Variants in BTBD9 observed in about 807,000 individuals in gnomAD.
The protein encoded by BTBD9 is BTB domain containing 9, also known as BTB/POZ domain-containing protein 9.
In BTBD9, 49 loss-of-function variants were observed where a neutral mutation model predicts 64.3. The observed-to-expected ratio is 0.76, with a 90% CI of 0.61 to 0.97. The LOEUF is 0.97. Ranked by LOEUF, BTBD9 falls within the 50% of genes least tolerant of loss-of-function variation. BTBD9 has a pLI of 0.00. For missense variants in BTBD9, 598 were observed against 762.1 expected (o/e 0.78, Z 2.53); for synonymous variants, 260 against 274.7 (o/e 0.95, Z 0.53).
chr6:38,321,275 G>T (rs1038418935), intron 7 of BTBD9, among the ~76,000 whole-genome samples: 2 of 152,208 alleles, frequency 1.3e-5, no homozygotes, highest in African/African-American at 4.8e-5. Flanking sequence ...TTGCCATGTG[G>T]CTGCTCCATT....
Position 38,171,356 on chromosome 6 carries a change from AAAT to A in BTBD9, c.*3626_*3628del, listed in dbSNP as rs1303299546. 6.6e-6 allele frequency: 1 copy of A among 152,154 alleles called. No individual in the cohort carries two copies. Among genetic ancestry groups the A allele is most frequent in the African/African-American group, 2.4e-5 (1 of 41,430 alleles). 9.4% of individuals were successfully genotyped at this position (152,154 alleles called of 1,614,324 possible). ...TTAACAAACATCCTACTCTTGCTGA[AAAT>A]AATTTCTTTTCCCAACTCTTCTAGG... On this transcript the variant is annotated 3_prime_UTR_variant, in exon 11 of 11. Coordinates refer to ENST00000481247, the MANE Select transcript of BTBD9 (RefSeq NM_001099272.2).
At chr6:38,335,172 G>A (rs1763844639) in intron 7 of BTBD9, among the ~76,000 whole-genome samples, 1 of 152,072 alleles carries the variant, frequency 6.6e-6, no homozygotes, top group Non-Finnish European at 1.5e-5. Context: ...CCCCAGCCAT[G>A]CACAACTGTG....
intron 3 of BTBD9, among the ~76,000 whole-genome samples, chr6:38,593,311 T>C (rs1693586793): frequency 6.6e-6 from 1 of 152,200 alleles, no homozygotes; most frequent in African/African-American, 2.4e-5. Context: ...CAAAGATCAT[T>C]GTCTTTAAAA....
chr6:38,275,417 C>A (rs987940780), intron 8 of BTBD9, among the ~76,000 whole-genome samples: 2 of 152,234 alleles, frequency 1.3e-5, no homozygotes, highest in African/African-American at 4.8e-5. Flanking sequence ...CTAGGCAATA[C>A]CATTCAGGAC....
chr6:38,629,962 C>T (rs1292793577), intron 1 of BTBD9, among the ~76,000 whole-genome samples: 1 of 152,014 alleles, frequency 6.6e-6, no homozygotes, highest in Non-Finnish European at 1.5e-5. Context: ...AATACCAACA[C>T]TTTGGGAGGC....
chr6:38,183,219 T>C (rs376672278), intron 10 of BTBD9, among the ~76,000 whole-genome samples: 50 of 152,196 alleles, frequency 3.3e-4, no homozygotes, highest in African/African-American at 5.8e-4. Flanking sequence ...CCTCGTGATC[T>C]GCCCGCCTCG....
chr6:38,475,131 T>C (rs559401574), intron 6 of BTBD9, among the ~76,000 whole-genome samples: 1 of 152,222 alleles, frequency 6.6e-6, no homozygotes, highest in South Asian at 2.1e-4. Context: ...ACATACATAA[T>C]ATGATCTGAA....
chr6:38,518,018 T>C (rs931998558), intron 6 of BTBD9, among the ~76,000 whole-genome samples: 1 of 152,202 alleles, frequency 6.6e-6, no homozygotes, highest in Admixed American at 6.5e-5. Context: ...CAAAATACAC[T>C]GAGTCAAAGA....
chr6:38,198,950 A>AAAG (rs1204341132), intron 9 of BTBD9, among the ~76,000 whole-genome samples: 6 of 152,148 alleles, frequency 3.9e-5, no homozygotes, highest in African/African-American at 1.4e-4. Flanking sequence ...AGAACCCTAG[A>AAAG]AAGGCTCAGA....
intron 6 of BTBD9, among the ~76,000 whole-genome samples, chr6:38,406,990 T>A (rs9369057): frequency 0.2 from 31,149 of 152,132 alleles, 4,074 homozygotes; most frequent in East Asian, 0.52. Flanking sequence ...GGAAGTGAAG[T>A]CAGAGTTCAA....
chr6:38,331,878 T>C (rs1264566247), intron 7 of BTBD9, among the ~76,000 whole-genome samples: 2 of 152,086 alleles, frequency 1.3e-5, no homozygotes, highest in Non-Finnish European at 2.9e-5. Flanking sequence ...AAAAAAGAAA[T>C]ATTTTACTTA....
intron 6 of BTBD9, among the ~76,000 whole-genome samples, chr6:38,403,073 A>G (rs1285820220): frequency 2.9e-5 from 4 of 138,110 alleles, no homozygotes; most frequent in Admixed American, 7.3e-5. Context: ...CAAAGAGAGG[A>G]GAGGGGAGGG....
At chr6:38,396,464 G>A (rs984529812) in intron 6 of BTBD9, among the ~76,000 whole-genome samples, 4 of 152,178 alleles carry the variant, frequency 2.6e-5, no homozygotes, top group Admixed American at 1.3e-4. Context: ...AAGTCAATGG[G>A]AAACAAAAAA....
intron 4 of BTBD9, among the ~76,000 whole-genome samples, chr6:38,585,877 A>C (rs1776492807): frequency 1.3e-5 from 2 of 151,716 alleles, no homozygotes; most frequent in African/African-American, 4.8e-5. Context: ...ATAATATCAC[A>C]GTTGCAAGCT....
chr6:38,485,187 A>G (rs1345428251), intron 6 of BTBD9, among the ~76,000 whole-genome samples: 1 of 152,218 alleles, frequency 6.6e-6, no homozygotes, highest in Non-Finnish European at 1.5e-5. Flanking sequence ...TTGCTCATCC[A>G]TAAGAAGCAA....
intron 6 of BTBD9, among the ~76,000 whole-genome samples, chr6:38,363,260 A>C (rs1469565871): frequency 1.3e-5 from 2 of 151,984 alleles, no homozygotes; most frequent in East Asian, 3.9e-4. Context: ...GCCAACATCA[A>C]CTTTTTACAA....
intron 6 of BTBD9, among the ~76,000 whole-genome samples, chr6:38,532,776 C>T (rs890870941): frequency 1.3e-5 from 2 of 151,948 alleles, no homozygotes; most frequent in African/African-American, 4.8e-5. Flanking sequence ...GAATAACCAG[C>T]AGCAATACCC....
At chr6:38,333,425 T>C (rs1376633940) in intron 7 of BTBD9, among the ~76,000 whole-genome samples, 1 of 152,200 alleles carries the variant, frequency 6.6e-6, no homozygotes, top group Admixed American at 6.5e-5. Context: ...GATACATGTA[T>C]GATATGGTTT....
At chr6:38,210,100 G>A (rs1002039893) in intron 9 of BTBD9, among the ~76,000 whole-genome samples, 2 of 151,990 alleles carry the variant, frequency 1.3e-5, no homozygotes, top group Non-Finnish European at 2.9e-5. Context: ...TTTAATGCTC[G>A]ACGTCTCACT....
Sources: allele counts gnomAD v4.1 joint callset (sites outside exome capture counted in the v4.1 genomes callset), GRCh38; gene constraint gnomAD v4.1.1; transcripts MANE v1.5; gene names NCBI Gene and HGNC (gene_info 2026-07-23, HGNC 2026-07-21).